Variants in ZFPM1 observed in about 807,000 individuals in gnomAD.
The protein encoded by ZFPM1 is zinc finger protein, FOG family member 1.
ZFPM1 carries 28 observed loss-of-function variants against 46.3 expected under a neutral mutation model. The ratio of observed to expected loss-of-function variants is 0.60; its 90% confidence interval spans 0.45 to 0.83. ZFPM1 has a LOEUF of 0.83. Among genes scored for constraint, ZFPM1 ranks in the 40% least tolerant of loss-of-function variants. ZFPM1 has a pLI of 0.00. For synonymous variants in ZFPM1, 957 were observed against 675.9 expected (o/e 1.42, Z -6.45); for missense variants, 1,878 against 1,432.4 (o/e 1.31, Z -5.02).
At chr16:88,496,558 A>AG (rs927339953) in intron 3 of ZFPM1, among the ~76,000 whole-genome samples, 1 of 151,822 alleles carries the variant, frequency 6.6e-6, no homozygotes, top group African/African-American at 2.4e-5. Context: ...GAGATTGAAC[A>AG]GGGGGGCTCC....
At position 88,520,551 on chromosome 16, in the gene ZFPM1, T is replaced by TGGATGGGTGGATGGACGGATGGGG. The variant is rs1555527768; in HGVS notation, c.402+6037_402+6038insGTGGATGGACGGATGGGGGGATGG. ...ATGAATGGGTGGGTGGCTGAAAGGA[T>TGGATGGGTGGATGGACGGATGGGG]GGATGGATGGATGGATGGATGGATG... On this transcript the variant is annotated intron_variant, in intron 4 of 9. Coordinates refer to ENST00000319555, the MANE Select transcript of ZFPM1 (RefSeq NM_153813.3). Among the ~76,000 whole-genome samples the TGGATGGGTGGATGGACGGATGGGG allele has an allele frequency of 6.6e-4, 68 of 103,414 alleles. 1 individual carries two copies. Among genetic ancestry groups the TGGATGGGTGGATGGACGGATGGGG allele is most frequent in the African/African-American group, 2.0e-3 (48 of 24,260 alleles). The allele number at this position is 103,414 out of a possible 152,430, so 67.8% of individuals were successfully genotyped here.
chr16:88,478,141 T>C (rs781624469), intron 1 of ZFPM1, among the ~76,000 whole-genome samples: 13 of 148,816 alleles, frequency 8.7e-5, no homozygotes, highest in Non-Finnish European at 1.6e-4. Context: ...GCAGGACCGA[T>C]GGGGGAGGGT....
At chr16:88,456,356 C>T (rs1452428133) in intron 1 of ZFPM1, among the ~76,000 whole-genome samples, 2 of 151,978 alleles carry the variant, frequency 1.3e-5, no homozygotes, top group East Asian at 3.9e-4. Flanking sequence ...GCTGGTAGTT[C>T]CTAGCAAGAA....
intron 1 of ZFPM1, among the ~76,000 whole-genome samples, chr16:88,485,543 G>A (rs562333089): frequency 2.0e-4 from 30 of 151,432 alleles, no homozygotes; most frequent in Non-Finnish European, 5.9e-5. Context: ...AGTCTCAAGC[G>A]ATCCTCCCAC....
chr16:88,486,048 G>C lies in ZFPM1; in HGVS notation c.145+5G>C. 1 of 1,610,154 alleles carries C rather than the reference G, an allele frequency of 6.2e-7. No individual in the cohort carries two copies. The highest frequency in any genetic ancestry group is 1.3e-5 in the African/African-American group (1 of 74,964). ...CCCCGAGCCCTCCCAGCGCAGGTGA[G>C]TCAGACTGAGCCCTCTCACCGCGCC... On this transcript the variant is annotated splice_donor_5th_base_variant and intron_variant, in intron 2 of 9. Transcript: ENST00000319555.
chr16:88,488,029 C>T (rs370738235), intron 2 of ZFPM1, among the ~76,000 whole-genome samples: 5 of 152,226 alleles, frequency 3.3e-5, no homozygotes, highest in African/African-American at 4.8e-5. Context: ...TTAACCCTCG[C>T]GGAGCCTCCG....
chr16:88,498,797 T>C (rs1183338145), intron 3 of ZFPM1, among the ~76,000 whole-genome samples: 1 of 152,226 alleles, frequency 6.6e-6, no homozygotes, highest in African/African-American at 2.4e-5. Context: ...GGTGGTTATC[T>C]TGGAAACTGA....
At chr16:88,475,710 G>A (rs912356176) in intron 1 of ZFPM1, among the ~76,000 whole-genome samples, 4 of 152,214 alleles carry the variant, frequency 2.6e-5, no homozygotes, top group African/African-American at 4.8e-5. Flanking sequence ...TGGCCACCCC[G>A]AGGCTCGCTG....
intron 3 of ZFPM1, among the ~76,000 whole-genome samples, chr16:88,491,078 G>C (rs1297073639): frequency 1.3e-5 from 2 of 151,254 alleles, no homozygotes; most frequent in Non-Finnish European, 2.9e-5. Flanking sequence ...TGCCTTCGCG[G>C]GTCCCAGTCA....
rs1033660746 is a variant in ZFPM1 at position 88,453,514 on chromosome 16, G to A, written c.-125G>A. ...GCGCGCGGGCTGGGGGCGCGGGCCGGGGCGGCCGCGGAGACCGGGGGCCGG... is the reference window on the plus strand; with the variant it reads ...GCGCGCGGGCTGGGGGCGCGGGCCGAGGCGGCCGCGGAGACCGGGGGCCGG... On this transcript the variant is annotated 5_prime_UTR_variant, in exon 1 of 10. Coordinates refer to ENST00000319555, the MANE Select transcript of ZFPM1 (RefSeq NM_153813.3). The A allele has an allele frequency of 8.4e-6, 3 of 358,992 alleles. No individual in the cohort carries two copies. Among genetic ancestry groups the A allele is most frequent in the African/African-American group, 6.7e-5 (3 of 44,686 alleles). The allele number at this position is 358,992 out of a possible 1,614,324, so 22.2% of individuals were successfully genotyped here.
intron 3 of ZFPM1, among the ~76,000 whole-genome samples, chr16:88,502,169 C>T (rs932656430): frequency 2.6e-5 from 4 of 151,796 alleles, no homozygotes; most frequent in East Asian, 3.9e-4. Flanking sequence ...TCCATTACAG[C>T]GGCCGTGGAC....
intron 3 of ZFPM1, among the ~76,000 whole-genome samples, chr16:88,492,258 C>G (rs1047076133): frequency 6.6e-6 from 1 of 152,098 alleles, no homozygotes; most frequent in African/African-American, 2.4e-5. Context: ...CTCCCAATTT[C>G]TGTTTTATGG....
chr16:88,486,816 A>G (rs948021914), intron 2 of ZFPM1, among the ~76,000 whole-genome samples: 7 of 145,658 alleles, frequency 4.8e-5, no homozygotes, highest in South Asian at 2.2e-4. Flanking sequence ...GGTGCACAGC[A>G]GATGGGTGCT....
intron 4 of ZFPM1, among the ~76,000 whole-genome samples, chr16:88,526,480 C>G (rs1912332360): frequency 6.6e-6 from 1 of 152,048 alleles, no homozygotes; most frequent in Admixed American, 6.5e-5. Flanking sequence ...GGTGTGAGTT[C>G]AGGCTCTGCT....
At chr16:88,502,065 C>CACTTATTT (rs1910384868) in intron 3 of ZFPM1, among the ~76,000 whole-genome samples, 1 of 72,904 alleles carries the variant, frequency 1.4e-5, no homozygotes, top group Non-Finnish European at 2.8e-5. Context: ...CGCCCCCCCC[C>CACTTATTT]ATTTATTTAT....
rs1323876145 is a variant in ZFPM1, at chr16:88,469,259, G to A, written c.40+15581G>A. ...GCTTCTGAAGTGCCGGCCGGGCCAG[G>A]GACGTGGCACCATCTTAATGAATGA... On this transcript the variant is annotated intron_variant, in intron 1 of 9. Coordinates refer to ENST00000319555, the MANE Select transcript of ZFPM1 (RefSeq NM_153813.3). This position sits in a 1 kb window ranked among gnomAD's most constrained non-coding sequence, Gnocchi z 4.3. 6.6e-6 allele frequency among the ~76,000 whole-genome samples: 1 copy of A among 152,164 alleles called. No individual in the cohort carries two copies. The highest frequency in any genetic ancestry group is 2.4e-5 in the African/African-American group (1 of 41,428).
At position 88,498,848 on chromosome 16, in the gene ZFPM1, G is replaced by A. The variant is rs1042675705; in HGVS notation, c.268+9695G>A. Among the ~76,000 whole-genome samples, 5 of 152,190 alleles carry A rather than the reference G, an allele frequency of 3.3e-5. No homozygotes were observed. In the East Asian group the frequency reaches 5.8e-4, roughly 18 times the overall value. On this transcript the variant is annotated intron_variant, in intron 3 of 9. Transcript: ENST00000319555. ...GCTCTGGCTGGCCTGACCCTGGGTC[G>A]TTGGCGTGGACACCTTGGCTGCCCC...
intron 1 of ZFPM1, among the ~76,000 whole-genome samples, chr16:88,468,479 C>G (rs1908262942): frequency 6.6e-6 from 1 of 152,178 alleles, no homozygotes; most frequent in South Asian, 2.1e-4. Flanking sequence ...GGGGCCAGGT[C>G]CCAGCTGTGC....
intron 5 of ZFPM1, 29 bp from the exon 6 acceptor site, chr16:88,528,003 C>T (rs749007924): frequency 6.6e-7 from 1 of 1,514,448 alleles, no homozygotes; most frequent in Non-Finnish European, 8.9e-7. Flanking sequence ...GGCACAAAGT[C>T]CTAGGTTTGG....
Sources: gnomAD v4.1 joint callset for allele counts (sites outside exome capture counted in the v4.1 genomes callset) on GRCh38, gnomAD v4.1.1 for gene constraint, Gnocchi (gnomAD v3.1) non-coding constraint, MANE v1.5 for transcripts, NCBI Gene and HGNC (gene_info 2026-07-23, HGNC 2026-07-21) for gene names.